TAFA2: variants seen among roughly 807,000 people sequenced by gnomAD.
The protein encoded by TAFA2 is TAFA chemokine like family member 2.
TAFA2 carries 7 observed loss-of-function variants against 18.8 expected under a neutral mutation model. That is an observed-to-expected ratio of 0.37 (90% CI 0.21 to 0.70). TAFA2 has a LOEUF of 0.70. TAFA2 is among the 30% of genes least tolerant of loss of function. TAFA2 has a pLI of 0.53. For missense variants in TAFA2, 122 were observed against 158.1 expected (o/e 0.77, Z 1.23); for synonymous variants, 60 against 54.2 (o/e 1.11, Z -0.47).
At chr12:61,788,555 G>C (rs576034123) in intron 2 of TAFA2, among the ~76,000 whole-genome samples, 5 of 151,738 alleles carry the variant, frequency 3.3e-5, no homozygotes, top group African/African-American at 1.2e-4. Flanking sequence ...ATAAAGATTA[G>C]AGCAGAAACA....
chr12:62,051,746 G>T (rs1187305699), intron 1 of TAFA2, among the ~76,000 whole-genome samples: 4 of 151,714 alleles, frequency 2.6e-5, no homozygotes, highest in African/African-American at 9.7e-5. Flanking sequence ...CTGATTCACT[G>T]GGGGCACTAA....
chr12:62,218,628 T>C (rs1432825093), intron 1 of TAFA2, among the ~76,000 whole-genome samples: 1 of 152,208 alleles, frequency 6.6e-6, no homozygotes, highest in Non-Finnish European at 1.5e-5. Flanking sequence ...AGCTCTATAT[T>C]TTATAATATA....
chr12:62,121,575 C>G (rs1028663522), intron 1 of TAFA2, among the ~76,000 whole-genome samples: 1 of 152,074 alleles, frequency 6.6e-6, no homozygotes, highest in East Asian at 1.9e-4. Context: ...GATTCAACCA[C>G]CAGGAAAGAT....
intron 1 of TAFA2, among the ~76,000 whole-genome samples, chr12:62,229,420 C>G (rs2062802475): frequency 6.6e-6 from 1 of 151,936 alleles, no homozygotes; most frequent in Non-Finnish European, 1.5e-5. Context: ...GGGTTTTTAT[C>G]ATAAAGGGAT....
intron 1 of TAFA2, among the ~76,000 whole-genome samples, chr12:62,034,378 C>T (rs1881545461): frequency 6.6e-6 from 1 of 152,142 alleles, no homozygotes; most frequent in African/African-American, 2.4e-5. Flanking sequence ...GCCAATGATT[C>T]AGCCATTCTC....
At chr12:62,026,099 C>A (rs1881302722) in intron 1 of TAFA2, among the ~76,000 whole-genome samples, 1 of 152,088 alleles carries the variant, frequency 6.6e-6, no homozygotes, top group Non-Finnish European at 1.5e-5. Flanking sequence ...ATTGGAAGAG[C>A]TTTCACATCA....
intron 2 of TAFA2, among the ~76,000 whole-genome samples, chr12:61,865,583 T>C (rs999493994): frequency 6.6e-6 from 1 of 152,238 alleles, no homozygotes; most frequent in African/African-American, 2.4e-5. Flanking sequence ...CGATGTGTAA[T>C]TTATTATGTT....
chr12:61,930,216 T>C (rs1877499407), intron 1 of TAFA2, among the ~76,000 whole-genome samples: 2 of 152,100 alleles, frequency 1.3e-5, no homozygotes, highest in Non-Finnish European at 2.9e-5. Context: ...ACCTTGAATC[T>C]GTTTACACAA....
intron 1 of TAFA2, among the ~76,000 whole-genome samples, chr12:62,179,666 T>C (rs1326489894): frequency 1.3e-5 from 2 of 152,210 alleles, no homozygotes; most frequent in African/African-American, 4.8e-5. Context: ...TTTACCTCTT[T>C]GTTCCCCAAG....
intron 1 of TAFA2, among the ~76,000 whole-genome samples, chr12:62,147,745 A>G (rs1322758661): frequency 7.4e-5 from 11 of 147,762 alleles, no homozygotes; most frequent in Non-Finnish European, 7.6e-5. Flanking sequence ...AAAAAAAAAA[A>G]AAAAAAGAAA....
chr12:61,927,992 C>T (rs532111608), intron 1 of TAFA2, among the ~76,000 whole-genome samples: 2 of 152,278 alleles, frequency 1.3e-5, no homozygotes, highest in East Asian at 3.9e-4. Flanking sequence ...CTTCCTTATA[C>T]CTTATACAAA....
intron 1 of TAFA2, chr12:62,070,411 C>A (rs1193080940): frequency 6.6e-6 from 1 of 152,144 alleles, no homozygotes; most frequent in Non-Finnish European, 1.5e-5. Context: ...TTATAGTCAA[C>A]AACCTGATAC....
At chr12:62,079,422 G>T (rs1868286281) in intron 1 of TAFA2, among the ~76,000 whole-genome samples, 1 of 151,842 alleles carries the variant, frequency 6.6e-6, no homozygotes, top group Admixed American at 6.6e-5. Flanking sequence ...GGAGGCTGAG[G>T]AGGGCTGATT....
chr12:61,911,395 C>A (rs1281032497), intron 1 of TAFA2, among the ~76,000 whole-genome samples: 1 of 152,116 alleles, frequency 6.6e-6, no homozygotes, highest in Non-Finnish European at 1.5e-5. Flanking sequence ...TCATTATTCC[C>A]GTATCAAGCC....
chr12:61,760,283 AATAGATGATAG>A (rs949829724), intron 2 of TAFA2, among the ~76,000 whole-genome samples: 6 of 149,034 alleles, frequency 4.0e-5, no homozygotes, highest in East Asian at 3.9e-4. Context: ...ATATAAATGA[AATAGATGATAG>A]ATAGATGATA....
chr12:61,937,129 A>T (rs984954791), intron 1 of TAFA2, among the ~76,000 whole-genome samples: 3 of 152,290 alleles, frequency 2.0e-5, no homozygotes, highest in African/African-American at 7.2e-5. Flanking sequence ...ACAAGGAACT[A>T]AAAAACACTG....
At chr12:62,122,393 A>C (rs78427850) in intron 1 of TAFA2, among the ~76,000 whole-genome samples, 3,345 of 152,292 alleles carry the variant, frequency 0.022, 130 homozygotes, top group African/African-American at 0.075. Context: ...AAAAAGTAGG[A>C]TATTTCCTTC....
chr12:61,961,397 T>G (rs1407448207), intron 1 of TAFA2, among the ~76,000 whole-genome samples: 1 of 152,014 alleles, frequency 6.6e-6, no homozygotes, highest in Admixed American at 6.6e-5. Flanking sequence ...AGTCTTAAAG[T>G]TCCATAGCTG....
chr12:61,882,488 A>G (rs996934054), intron 1 of TAFA2, among the ~76,000 whole-genome samples: 2 of 152,188 alleles, frequency 1.3e-5, no homozygotes, highest in African/African-American at 4.8e-5. Context: ...TATGGTTCAC[A>G]TAAGCTGAGA....
Sources: allele counts gnomAD v4.1 joint callset (sites outside exome capture counted in the v4.1 genomes callset), GRCh38; gene constraint gnomAD v4.1.1; transcripts MANE v1.5; gene names NCBI Gene and HGNC (gene_info 2026-07-23, HGNC 2026-07-21).